DDX10: variants seen among roughly 807,000 people sequenced by gnomAD.
The protein encoded by DDX10 is DEAD-box helicase 10, also known as probable ATP-dependent RNA helicase DDX10.
In DDX10, 74 loss-of-function variants were observed where a neutral mutation model predicts 104.3. That is an observed-to-expected ratio of 0.71 (90% CI 0.59 to 0.86). The LOEUF is 0.86. Ranked by LOEUF, DDX10 falls within the 40% of genes least tolerant of loss-of-function variation. The probability of loss-of-function intolerance (pLI) is 0.00; values close to 1 mark genes in which losing one functional copy is unlikely to be tolerated. For missense variants in DDX10, 952 were observed against 1,040.0 expected (o/e 0.92, Z 1.16); for synonymous variants, 351 against 353.4 (o/e 0.99, Z 0.08).
At chr11:108,703,277 G>A (rs553627761) in intron 9 of DDX10, among the ~76,000 whole-genome samples, 83 of 152,216 alleles carry the variant, frequency 5.5e-4, no homozygotes, top group South Asian at 1.0e-3. Flanking sequence ...ATAATTTATC[G>A]ATTTGAAATA....
intron 13 of DDX10, among the ~76,000 whole-genome samples, chr11:108,814,222 A>G (rs140582815): frequency 6.6e-6 from 1 of 152,190 alleles, no homozygotes; most frequent in Admixed American, 6.5e-5. Flanking sequence ...AGGTCTTTGT[A>G]TTGTAAATGA....
At position 108,755,952 on chromosome 11, in the gene DDX10, C is replaced by G. The variant is rs114620482; in HGVS notation, c.1965+32490C>G. Reference sequence around the variant, plus strand: ...AGCCTTTTTCTTTCTCTCTCTCTCTCTTTCTTCCTCCCCCTTCCCTCTTTC... The same window carrying G: ...AGCCTTTTTCTTTCTCTCTCTCTCTGTTTCTTCCTCCCCCTTCCCTCTTTC... On this transcript the variant is annotated intron_variant, in intron 13 of 17. Coordinates refer to ENST00000322536, the MANE Select transcript of DDX10 (RefSeq NM_004398.4). Among the ~76,000 whole-genome samples the G allele has an allele frequency of 5.5e-3, 837 of 151,736 alleles. 10 individuals are homozygous for G. Among genetic ancestry groups the G allele is most frequent in the African/African-American group, 0.02 (807 of 41,320 alleles).
chr11:108,711,266 T>C (rs1188597561), intron 10 of DDX10, among the ~76,000 whole-genome samples: 1 of 152,242 alleles, frequency 6.6e-6, no homozygotes, highest in Non-Finnish European at 1.5e-5. Flanking sequence ...TGATTTTGTT[T>C]TGACTTGTGT....
chr11:108,836,573 G>A (rs977666764), intron 13 of DDX10, among the ~76,000 whole-genome samples: 9 of 152,056 alleles, frequency 5.9e-5, no homozygotes, highest in African/African-American at 1.7e-4. Flanking sequence ...TGCAACCTCC[G>A]CCTGTCAGGT....
At chr11:108,871,779 C>G (rs547949722) in intron 16 of DDX10, among the ~76,000 whole-genome samples, 1 of 152,034 alleles carries the variant, frequency 6.6e-6, no homozygotes, top group Non-Finnish European at 1.5e-5. Context: ...AAATACAAAA[C>G]TAGCCGGGAG....
chr11:108,729,199 G>A (rs1221785534), intron 13 of DDX10, among the ~76,000 whole-genome samples: 1 of 152,082 alleles, frequency 6.6e-6, no homozygotes, highest in Non-Finnish European at 1.5e-5. Flanking sequence ...AGATGACCTA[G>A]GTCTCTTTGG....
intron 17 of DDX10, chr11:108,920,535 T>A (rs1305610385): frequency 2.0e-5 from 3 of 152,182 alleles, no homozygotes; most frequent in East Asian, 3.8e-4. Context: ...ATAGCCTCCT[T>A]CTAGATGAAA....
At chr11:108,872,817 C>T (rs557076338) in intron 16 of DDX10, among the ~76,000 whole-genome samples, 255 of 145,862 alleles carry the variant, frequency 1.7e-3, no homozygotes, top group African/African-American at 5.8e-3. Flanking sequence ...TGCTAATTTC[C>T]GTTCCCCCCC....
intron 3 of DDX10, 173 bp downstream of exon 3, chr11:108,675,899 C>G (rs2094224406): frequency 9.2e-6 from 7 of 756,978 alleles, no homozygotes; most frequent in Non-Finnish European, 1.5e-5. Flanking sequence ...ACCATTTTCC[C>G]CAGGTTCTAG....
chr11:108,742,570 GAAC>G (rs964625783), intron 13 of DDX10, among the ~76,000 whole-genome samples: 7 of 152,084 alleles, frequency 4.6e-5, no homozygotes, highest in African/African-American at 1.4e-4. Context: ...ATTTCAAAAA[GAAC>G]AACAACAACA....
At chr11:108,783,841 G>A (rs937238975) in intron 13 of DDX10, among the ~76,000 whole-genome samples, 1 of 152,122 alleles carries the variant, frequency 6.6e-6, no homozygotes, top group Non-Finnish European at 1.5e-5. Flanking sequence ...GTAGTCCCCA[G>A]TGTCTATTGT....
At chr11:108,932,105 A>T (rs931106311) in intron 17 of DDX10, among the ~76,000 whole-genome samples, 1 of 151,924 alleles carries the variant, frequency 6.6e-6, no homozygotes, top group East Asian at 1.9e-4. Flanking sequence ...ACTTTGAGGG[A>T]TACTCATCTC....
chr11:108,883,361 C>T (rs72993554), intron 16 of DDX10, among the ~76,000 whole-genome samples: 7,444 of 152,236 alleles, frequency 0.049, 204 homozygotes, highest in South Asian at 0.089. Flanking sequence ...CTGTGCCTTT[C>T]CATCTGTTAC....
Position 108,940,353 on chromosome 11 carries a change from C to T in DDX10, c.2558C>T (p.Pro853Leu). The change falls in exon 18 of 18, where the codon CCT (proline) becomes CTT (leucine). Residue 853 changes from proline (P) to leucine (L), a missense_variant. Pro to Leu is a moderately conservative substitution (Grantham distance 98). This residue lies in a region of DDX10 where 533 missense variants were observed against 534.1 expected (regional missense o/e 1.00). Coordinates refer to ENST00000322536, the MANE Select transcript of DDX10 (RefSeq NM_004398.4). ...RKKARWDTLE[P>L]LDTGLSLAED... is the part of the protein sequence containing the mutation. ...AAGGCCAGGTGGGACACTTTAGAGC[C>T]TTTGGATACCGGCCTGTCTTTAGCA... 1 of 1,614,030 alleles carries T rather than the reference C, an allele frequency of 6.2e-7. No homozygotes were observed. The highest frequency in any genetic ancestry group is 8.5e-7 in the Non-Finnish European group (1 of 1,180,002).
At chr11:108,704,843 G>C (rs968808112) in intron 9 of DDX10, among the ~76,000 whole-genome samples, 1 of 152,186 alleles carries the variant, frequency 6.6e-6, no homozygotes, top group Non-Finnish European at 1.5e-5. Flanking sequence ...GCAAGTAGGT[G>C]TGAAGAAGAT....
intron 16 of DDX10, among the ~76,000 whole-genome samples, chr11:108,902,134 G>A (rs1032101406): frequency 6.6e-6 from 1 of 152,094 alleles, no homozygotes; most frequent in East Asian, 1.9e-4. Flanking sequence ...CATGAGACTC[G>A]TGTCAGGAAT....
At chr11:108,908,505 G>T (rs747172608) in intron 16 of DDX10, among the ~76,000 whole-genome samples, 2 of 152,100 alleles carry the variant, frequency 1.3e-5, no homozygotes, top group African/African-American at 4.8e-5. Context: ...GTTCTTAAAG[G>T]TTATTTTGTT....
chr11:108,683,711 T>C (rs2094238702), intron 6 of DDX10, among the ~76,000 whole-genome samples: 1 of 152,208 alleles, frequency 6.6e-6, no homozygotes, highest in South Asian at 2.1e-4. Context: ...TTAATTCTAT[T>C]ATTTCTTCAT....
intron 13 of DDX10, among the ~76,000 whole-genome samples, chr11:108,728,464 C>A (rs1175060180): frequency 6.8e-6 from 1 of 147,276 alleles, no homozygotes; most frequent in Non-Finnish European, 1.5e-5. Context: ...CTAGAGATAA[C>A]AACTGTCTTT....
Sources: gnomAD v4.1 joint callset for allele counts (sites outside exome capture counted in the v4.1 genomes callset) on GRCh38, gnomAD v4.1.1 for gene constraint, gnomAD v4.1.1 regional missense constraint, MANE v1.5 for transcripts, NCBI Gene and HGNC (gene_info 2026-07-23, HGNC 2026-07-21) for gene names.